Variants in SGCZ observed in about 807,000 individuals in gnomAD.
SGCZ encodes the protein zeta-sarcoglycan.
Under a neutral mutation model 41.3 loss-of-function variants are expected in SGCZ, and 40 were observed. The observed-to-expected ratio is 0.97, with a 90% CI of 0.75 to 1.26. The LOEUF is 1.26. Among genes scored for constraint, SGCZ ranks in the 50% most tolerant of loss-of-function variants. The probability of loss-of-function intolerance (pLI) is 0.00; values close to 1 mark genes in which losing one functional copy is unlikely to be tolerated. For missense variants in SGCZ, 552 were observed against 369.8 expected, an observed-to-expected ratio of 1.49 and a Z score of -4.04; for synonymous variants, 206 against 137.5, an observed-to-expected ratio of 1.50 and a Z score of -3.49.
intron 1 of SGCZ, among the ~76,000 whole-genome samples, chr8:14,568,213 T>A (rs1445915406): frequency 2.0e-5 from 3 of 151,340 alleles, no homozygotes; most frequent in African/African-American, 4.9e-5. Flanking sequence ...GAGGGGAACA[T>A]CACACACTGG....
Position 15,069,068 on chromosome 8 carries a change from C to A in SGCZ, c.39+168517G>T, listed in dbSNP as rs187135414. Among the ~76,000 whole-genome samples, 105 of 152,298 alleles carry A rather than the reference C, an allele frequency of 6.9e-4. No individual in the cohort carries two copies. The Middle Eastern group carries it at 0.01, about 15-fold the overall frequency. ...AGTTAAAGTATTGGCTGACAGACGG[C>A]ACCAATATTCCAGAATGTTCTTTCA... On this transcript the variant is annotated intron_variant, in intron 1 of 7. Transcript: ENST00000382080.
chr8:14,123,488 T>C (rs1325498997), intron 5 of SGCZ, among the ~76,000 whole-genome samples: 1 of 152,122 alleles, frequency 6.6e-6, no homozygotes, highest in African/African-American at 2.4e-5. Flanking sequence ...ATTAAATCAT[T>C]CTTAAATATC....
intron 3 of SGCZ, among the ~76,000 whole-genome samples, chr8:14,322,125 T>G (rs909709985): frequency 6.6e-6 from 1 of 152,144 alleles, no homozygotes; most frequent in Admixed American, 6.6e-5. Flanking sequence ...TCTGGAGATT[T>G]CGTTCATGTT....
chr8:14,571,332 G>A (rs1193845502), intron 1 of SGCZ, among the ~76,000 whole-genome samples: 3 of 152,278 alleles, frequency 2.0e-5, no homozygotes, highest in Middle Eastern at 3.4e-3. Context: ...GGGACACAGA[G>A]CCAAACCATA....
chr8:14,655,270 T>C (rs1041747714), intron 1 of SGCZ, among the ~76,000 whole-genome samples: 20 of 152,212 alleles, frequency 1.3e-4, no homozygotes, highest in African/African-American at 4.3e-4. Flanking sequence ...GCTAATCTGC[T>C]CTAAAGACTT....
Position 14,400,151 on chromosome 8 carries a change from C to T in SGCZ, c.235-75947G>A, listed in dbSNP as rs553139991. Among the ~76,000 whole-genome samples the T allele has an allele frequency of 3.9e-5, 6 of 152,172 alleles. No homozygotes were observed. The South Asian group carries it at 1.2e-3, about 32-fold the overall frequency. On this transcript the variant is annotated intron_variant, in intron 2 of 7. Transcript: ENST00000382080. ...TTTGTGAGTAGCTTCTTTCACTTGGCTATTGTTTCCAGTGTTCATCCATCT... is the reference window on the plus strand; with the variant it reads ...TTTGTGAGTAGCTTCTTTCACTTGGTTATTGTTTCCAGTGTTCATCCATCT...
intron 1 of SGCZ, among the ~76,000 whole-genome samples, chr8:15,133,391 T>A (rs562415017): frequency 1.3e-5 from 2 of 152,222 alleles, no homozygotes; most frequent in East Asian, 3.9e-4. Context: ...GCAAGCAATA[T>A]CCTCCCTATC....
chr8:14,181,077 G>T (rs1216934598), intron 4 of SGCZ, among the ~76,000 whole-genome samples: 1 of 152,182 alleles, frequency 6.6e-6, no homozygotes, highest in African/African-American at 2.4e-5. Flanking sequence ...GAAGCCATGT[G>T]TGATAGTCTA....
chr8:14,216,670 C>A (rs777093794), intron 4 of SGCZ, among the ~76,000 whole-genome samples: 15 of 152,124 alleles, frequency 9.9e-5, no homozygotes, highest in Non-Finnish European at 1.9e-4. Context: ...CAGAAAAATA[C>A]TTAATGATGT....
chr8:14,549,249 G>T (rs966755323), intron 2 of SGCZ, among the ~76,000 whole-genome samples: 1 of 152,058 alleles, frequency 6.6e-6, no homozygotes, highest in East Asian at 1.9e-4. Context: ...TCAAAGGACT[G>T]TACTTTCACT....
At chr8:14,270,717 T>C (rs1485314092) in intron 3 of SGCZ, among the ~76,000 whole-genome samples, 1 of 152,134 alleles carries the variant, frequency 6.6e-6, no homozygotes, top group African/African-American at 2.4e-5. Flanking sequence ...CAATAAACAC[T>C]ATTTCTATAC....
At chr8:15,137,177 CAA>C (rs767493566) in intron 1 of SGCZ, among the ~76,000 whole-genome samples, 7 of 151,884 alleles carry the variant, frequency 4.6e-5, no homozygotes, top group Non-Finnish European at 7.4e-5. Flanking sequence ...TATGTTTTAG[CAA>C]AGAGACTGGT....
intron 1 of SGCZ, among the ~76,000 whole-genome samples, chr8:14,571,076 T>C (rs570305409): frequency 6.6e-6 from 1 of 152,322 alleles, no homozygotes; most frequent in South Asian, 2.1e-4. Flanking sequence ...GAAAGAGGTT[T>C]GACTCTCAGT....
At chr8:14,771,647 A>G (rs1258679484) in intron 1 of SGCZ, among the ~76,000 whole-genome samples, 1 of 152,102 alleles carries the variant, frequency 6.6e-6, no homozygotes, top group Non-Finnish European at 1.5e-5. Flanking sequence ...TTAAACTTTC[A>G]TTCATCAAGA....
At chr8:14,702,515 T>C (rs1449976824) in intron 1 of SGCZ, among the ~76,000 whole-genome samples, 1 of 151,948 alleles carries the variant, frequency 6.6e-6, no homozygotes, top group Non-Finnish European at 1.5e-5. Context: ...TATTTATACA[T>C]GATACTTCCA....
chr8:14,229,323 G>A (rs966036018), intron 4 of SGCZ, among the ~76,000 whole-genome samples: 1 of 152,028 alleles, frequency 6.6e-6, no homozygotes. Context: ...GATCACTAGT[G>A]TCTTTCCTTC....
intron 2 of SGCZ, among the ~76,000 whole-genome samples, chr8:14,334,319 G>A (rs1053538412): frequency 1.3e-5 from 2 of 151,968 alleles, no homozygotes; most frequent in African/African-American, 4.8e-5. Flanking sequence ...AGCAGATATT[G>A]AGCCTATGAC....
At chr8:15,030,776 A>C (rs76662727) in intron 1 of SGCZ, among the ~76,000 whole-genome samples, 578 of 152,266 alleles carry the variant, frequency 3.8e-3, no homozygotes, top group Non-Finnish European at 6.6e-3. Context: ...TAACCCACAA[A>C]ACCAGACGAA....
At chr8:14,530,737 A>T (rs564055946) in intron 2 of SGCZ, among the ~76,000 whole-genome samples, 4 of 151,964 alleles carry the variant, frequency 2.6e-5, no homozygotes, top group African/African-American at 9.7e-5. Flanking sequence ...AGCCCCATCT[A>T]TTCTGGAGGC....
Sources: allele counts gnomAD v4.1 joint callset (sites outside exome capture counted in the v4.1 genomes callset), GRCh38; gene constraint gnomAD v4.1.1; transcripts MANE v1.5; gene names NCBI Gene and HGNC (gene_info 2026-07-23, HGNC 2026-07-21).